The following RASSF6 variants were observed in gnomAD, a reference collection of about 807,000 sequenced individuals.
RASSF6 encodes the protein ras association domain-containing protein 6.
RASSF6 carries 52 observed loss-of-function variants against 44.0 expected under a neutral mutation model. The observed-to-expected ratio is 1.18, with a 90% CI of 0.95 to 1.49. RASSF6 has a LOEUF of 1.49. Among genes scored for constraint, RASSF6 ranks in the 40% most tolerant of loss-of-function variants. RASSF6 has a pLI of 0.00. For missense variants in RASSF6, 464 were observed against 393.3 expected (o/e 1.18, Z -1.52); for synonymous variants, 162 against 124.6 (o/e 1.30, Z -2.00).
rs1374701257 is a variant in RASSF6, at chr4:73,620,413, G to A, written c.-160C>T. On this transcript the variant is annotated 5_prime_UTR_variant, in exon 1 of 11. Coordinates refer to ENST00000307439, the MANE Select transcript of RASSF6 (RefSeq NM_177532.5). ...GGGAAACCAGTGCCCTGTCTCTGCC[G>A]GGCTGGGACTCCGCGAGTCACTCAC... 6.5e-6 allele frequency: 10 copies of A among 1,540,156 alleles called. No homozygotes were observed. The highest frequency in any genetic ancestry group is 2.5e-5 in the East Asian group (1 of 40,230).
chr4:73,576,526 A>G lies in RASSF6; in HGVS notation c.841-19T>C, dbSNP rs758984759. ...GAGCCACCTAAGAAAGAAGAAGAAG[A>G]AAAAAAAAAGAAAGCAGAACAATTA... is the stretch of plus-strand genomic sequence containing the variant. On this transcript the variant is annotated intron_variant, in intron 9 of 10. Coordinates refer to ENST00000307439, the MANE Select transcript of RASSF6 (RefSeq NM_177532.5). 1.5e-6 allele frequency: 2 copies of G among 1,364,428 alleles called. No homozygotes were observed. Among genetic ancestry groups the G allele is most frequent in the African/African-American group, 1.5e-5 (1 of 68,116 alleles). 84.5% of individuals were successfully genotyped at this position (1,364,428 alleles called of 1,614,324 possible).
Position 73,576,061 on chromosome 4 carries a change from G to T in RASSF6, c.*174C>A. ...ACTCAAACTCATTTTGTCCAACTGT[G>T]AACCCTAATTAACCTCATCACTTCA... On this transcript the variant is annotated 3_prime_UTR_variant, in exon 11 of 11. Coordinates refer to ENST00000307439, the MANE Select transcript of RASSF6 (RefSeq NM_177532.5). 1 of 479,322 alleles carries T rather than the reference G, an allele frequency of 2.1e-6. No homozygotes were observed. The highest frequency in any genetic ancestry group is 3.3e-5 in the East Asian group (1 of 30,568). The allele number at this position is 479,322 out of a possible 1,614,324, so 29.7% of individuals were successfully genotyped here.
In RASSF6 at chr4:73,591,799, G is replaced by A. The variant is rs1336118153; in HGVS notation, c.287+1652C>T. ...TTAACCACAGGCTTCTGGGGATTTT[G>A]CTCTATACTATGGTTTGAATCTCCT... On this transcript the variant is annotated intron_variant, in intron 4 of 10. Coordinates refer to ENST00000307439, the MANE Select transcript of RASSF6 (RefSeq NM_177532.5). 2.6e-5 allele frequency among the ~76,000 whole-genome samples: 4 copies of A among 152,088 alleles called. 1 individual carries two copies. The highest frequency in any genetic ancestry group is 5.9e-5 in the Non-Finnish European group (4 of 68,012).
At chr4:73,584,316 C>A (rs911286505) in intron 6 of RASSF6, among the ~76,000 whole-genome samples, 16 of 152,076 alleles carry the variant, frequency 1.1e-4, no homozygotes, top group Admixed American at 3.3e-4. Context: ...AGATACCTGG[C>A]ACAGTGTAAG....
At chr4:73,608,301 AAACAGGT>A (rs1279104947) in intron 2 of RASSF6, among the ~76,000 whole-genome samples, 1 of 151,996 alleles carries the variant, frequency 6.6e-6, no homozygotes, top group African/African-American at 2.4e-5. Context: ...TTAATTGATA[AAACAGGT>A]AACTGCAAAG....
intron 1 of RASSF6, among the ~76,000 whole-genome samples, chr4:73,612,482 T>TTC (rs766160902): frequency 3.9e-4 from 9 of 23,216 alleles, no homozygotes; most frequent in Non-Finnish European, 6.4e-4. Flanking sequence ...CAGTTTTCTT[T>TTC]TTTTTTTTTT....
At chr4:73,588,287 C>T (rs9999939) in intron 4 of RASSF6, among the ~76,000 whole-genome samples, 42,180 of 151,692 alleles carry the variant, frequency 0.28, 6,084 homozygotes, top group Admixed American at 0.41. Context: ...CTTAGGGGAG[C>T]TTGGGTATAA....
At chr4:73,581,752 T>G (rs1723663278) in intron 8 of RASSF6, 65 bp downstream of exon 8, 1 of 1,066,132 alleles carries the variant, frequency 9.4e-7, no homozygotes, top group South Asian at 1.4e-5. Context: ...TTCTTCTGCC[T>G]TCCCCCTGGG....
chr4:73,595,168 T>C (rs1724843755), intron 3 of RASSF6, among the ~76,000 whole-genome samples: 1 of 152,188 alleles, frequency 6.6e-6, no homozygotes, highest in Non-Finnish European at 1.5e-5. Flanking sequence ...ATATAAAACA[T>C]GAAACTATTT....
At chr4:73,593,019 AT>A (rs11287305) in intron 4 of RASSF6, among the ~76,000 whole-genome samples, 115,705 of 133,584 alleles carry the variant, frequency 0.87, 50,080 homozygotes, top group Admixed American at 0.9. Context: ...AGTTGCTGGG[AT>A]TTTTTTTTTT....
rs918025315 is a variant in RASSF6, at chr4:73,575,395, T to C, written c.*840A>G. On this transcript the variant is annotated 3_prime_UTR_variant, in exon 11 of 11. Transcript: ENST00000307439. ...AGAGGGCAGAGTTTGGGATTCCCTATGTAACTTCAGCTACAACAGCCTTGC... is the reference window on the plus strand; with the variant it reads ...AGAGGGCAGAGTTTGGGATTCCCTACGTAACTTCAGCTACAACAGCCTTGC... The C allele has an allele frequency of 6.6e-5, 10 of 152,158 alleles. No homozygotes were observed. Among genetic ancestry groups the C allele is most frequent in the African/African-American group, 2.4e-4 (10 of 41,428 alleles). 9.4% of individuals were successfully genotyped at this position (152,158 alleles called of 1,614,324 possible). A position where few individuals can be genotyped will look rare whatever the true frequency, so the allele number is the denominator to read the frequency against.
chr4:73,593,400 T>C, intron 4 of RASSF6, 51 bp downstream of exon 4: 1 of 1,542,246 alleles, frequency 6.5e-7, no homozygotes, highest in Admixed American at 2.0e-5. Flanking sequence ...GCAATAAAAC[T>C]AGATATGAAG....
chr4:73,606,927 C>A (rs1047040170), intron 2 of RASSF6, among the ~76,000 whole-genome samples: 11 of 152,118 alleles, frequency 7.2e-5, no homozygotes, highest in African/African-American at 2.7e-4. Flanking sequence ...GTCTGAAACA[C>A]AACAAGGAGC....
In RASSF6 at chr4:73,587,793, A is replaced by G. The variant is rs757388035; in HGVS notation, c.382+47T>C. 6 of 1,171,400 alleles carry G rather than the reference A, an allele frequency of 5.1e-6. No individual in the cohort carries two copies. The South Asian group carries it at 7.4e-5, about 14-fold the overall frequency. The allele number at this position is 1,171,400 out of a possible 1,614,324, so 72.6% of individuals were successfully genotyped here. On this transcript the variant is annotated intron_variant, in intron 5 of 10. Coordinates refer to ENST00000307439, the MANE Select transcript of RASSF6 (RefSeq NM_177532.5). ...AGAAACATATGGAGTCATACTTTAC[A>G]CTAATTAAAAATTAAGTCTCCCAAT...
Position 73,581,725 on chromosome 4 carries a change from C to T in RASSF6, c.721+92G>A, listed in dbSNP as rs756904005. 5 of 770,332 alleles carry T rather than the reference C, an allele frequency of 6.5e-6. No homozygotes were observed. The Admixed American group carries it at 6.6e-5, about 10-fold the overall frequency. 47.7% of individuals were successfully genotyped at this position (770,332 alleles called of 1,614,324 possible). ...CCTACCCATTCCTCCCCTTTCTCCA[C>T]AGAATGAGGCAAACTGTTCTTCTGC... On this transcript the variant is annotated intron_variant, in intron 8 of 10. Transcript: ENST00000307439.
At chr4:73,597,550 G>A (rs1035048881) in intron 3 of RASSF6, among the ~76,000 whole-genome samples, 3 of 152,148 alleles carry the variant, frequency 2.0e-5, no homozygotes, top group African/African-American at 7.2e-5. Context: ...AATCATTGAG[G>A]AAGACAGTGT....
chr4:73,597,339 T>C (rs1429919271), intron 3 of RASSF6, among the ~76,000 whole-genome samples: 1 of 152,066 alleles, frequency 6.6e-6, no homozygotes, highest in Non-Finnish European at 1.5e-5. Context: ...CTTCTTAAAA[T>C]AAGACATACA....
At chr4:73,591,008 G>A (rs150735150) in intron 4 of RASSF6, among the ~76,000 whole-genome samples, 182 of 152,238 alleles carry the variant, frequency 1.2e-3, no homozygotes, top group African/African-American at 4.1e-3. Flanking sequence ...GTCCACCTGG[G>A]CTCTTGAAAC....
intron 2 of RASSF6, 83 bp downstream of exon 2, chr4:73,611,648 A>T: frequency 1.3e-6 from 1 of 785,616 alleles, no homozygotes; most frequent in Non-Finnish European, 2.2e-6. Flanking sequence ...TGTTGACCAT[A>T]CATCATGCTT....
Sources: gnomAD v4.1 joint callset for allele counts (sites outside exome capture counted in the v4.1 genomes callset) on GRCh38, gnomAD v4.1.1 for gene constraint, MANE v1.5 for transcripts, NCBI Gene and HGNC (gene_info 2026-07-23, HGNC 2026-07-21) for gene names.